ARHGAP15: variants seen among roughly 807,000 people sequenced by gnomAD.
ARHGAP15 encodes rho GTPase-activating protein 15.
Under a neutral mutation model 63.7 loss-of-function variants are expected in ARHGAP15, and 51 were observed. The observed-to-expected ratio is 0.80, with a 90% CI of 0.64 to 1.01. The LOEUF (loss-of-function observed/expected upper bound fraction) is 1.01. Ranked by LOEUF, ARHGAP15 falls within the 50% of genes least tolerant of loss-of-function variation. The probability of loss-of-function intolerance (pLI) is 0.00; values close to 1 mark genes in which losing one functional copy is unlikely to be tolerated. For synonymous variants in ARHGAP15, 191 were observed against 193.8 expected (o/e 0.99, Z 0.12); for missense variants, 560 against 564.6 (o/e 0.99, Z 0.08).
intron 6 of ARHGAP15, among the ~76,000 whole-genome samples, chr2:143,272,980 T>C (rs1010587047): frequency 6.6e-6 from 1 of 152,180 alleles, no homozygotes; most frequent in Non-Finnish European, 1.5e-5. Context: ...AAAGTACTGA[T>C]GTCAATATAG....
At chr2:143,409,482 C>T (rs958888784) in intron 6 of ARHGAP15, among the ~76,000 whole-genome samples, 1 of 151,978 alleles carries the variant, frequency 6.6e-6, no homozygotes. Context: ...ACTTATTTAG[C>T]TTCATGTTAA....
At chr2:143,234,664 A>G (rs909869865) in intron 5 of ARHGAP15, among the ~76,000 whole-genome samples, 2 of 152,154 alleles carry the variant, frequency 1.3e-5, no homozygotes, top group African/African-American at 4.8e-5. Context: ...AGTCTTCTTT[A>G]TATTTCCTTC....
chr2:143,512,305 G>A (rs751402942), intron 9 of ARHGAP15, among the ~76,000 whole-genome samples: 6 of 152,172 alleles, frequency 3.9e-5, no homozygotes, highest in Non-Finnish European at 7.3e-5. Context: ...ATCCACTTGG[G>A]CCACATGTTC....
chr2:143,493,408 G>T (rs982618063), intron 9 of ARHGAP15, among the ~76,000 whole-genome samples: 1 of 152,156 alleles, frequency 6.6e-6, no homozygotes, highest in Non-Finnish European at 1.5e-5. Flanking sequence ...TCCATGGGTG[G>T]CATGCTGTGA....
chr2:143,744,716 T>G (rs17832373), intron 13 of ARHGAP15, among the ~76,000 whole-genome samples: 44,986 of 152,090 alleles, frequency 0.3, 7,681 homozygotes, highest in Middle Eastern at 0.41. Flanking sequence ...CCACCAACAT[T>G]AGTACATCTT....
At chr2:143,378,184 T>C (rs1018582813) in intron 6 of ARHGAP15, among the ~76,000 whole-genome samples, 6 of 152,092 alleles carry the variant, frequency 3.9e-5, no homozygotes, top group African/African-American at 1.4e-4. Context: ...TAGTGGCTAA[T>C]GTGATTAGCA....
intron 12 of ARHGAP15, among the ~76,000 whole-genome samples, chr2:143,679,624 T>G (rs1682998129): frequency 6.6e-6 from 1 of 150,544 alleles, no homozygotes; most frequent in South Asian, 2.1e-4. Context: ...TAGATGTTGT[T>G]TATTTCTTGA....
intron 10 of ARHGAP15, among the ~76,000 whole-genome samples, chr2:143,542,968 C>T (rs1330645961): frequency 2.0e-5 from 3 of 149,634 alleles, no homozygotes; most frequent in African/African-American, 7.4e-5. Context: ...AGGTTAATTC[C>T]ATATCTTGGT....
At chr2:143,461,803 G>A (rs1002098687) in intron 8 of ARHGAP15, among the ~76,000 whole-genome samples, 13 of 152,182 alleles carry the variant, frequency 8.5e-5, no homozygotes, top group South Asian at 4.1e-4. Flanking sequence ...TTGCAGTGCC[G>A]TTTTCTGCAT....
chr2:143,311,831 C>T (rs1410320877), intron 6 of ARHGAP15, among the ~76,000 whole-genome samples: 1 of 152,130 alleles, frequency 6.6e-6, no homozygotes, highest in African/African-American at 2.4e-5. Flanking sequence ...ACCGGTTCAA[C>T]AGTTCATTAG....
chr2:143,565,655 A>T (rs926017156), intron 11 of ARHGAP15, among the ~76,000 whole-genome samples: 2 of 152,224 alleles, frequency 1.3e-5, no homozygotes, highest in South Asian at 4.1e-4. Context: ...GAAGGATCCC[A>T]TATCCCCATT....
chr2:143,679,646 CGTGTGTGCGTGTGTGTGT>C (rs912863351), intron 12 of ARHGAP15, among the ~76,000 whole-genome samples: 9 of 38,292 alleles, frequency 2.4e-4, no homozygotes, highest in African/African-American at 3.5e-4. Flanking sequence ...TGAGGGGGTG[CGTGTGTGCGTGTGTGTGT>C]GTGTGTGTGT....
intron 10 of ARHGAP15, among the ~76,000 whole-genome samples, chr2:143,532,948 A>G (rs1412735982): frequency 6.6e-6 from 1 of 152,206 alleles, no homozygotes; most frequent in East Asian, 1.9e-4. Context: ...AAACAAAAAC[A>G]GGTCACAGTG....
intron 1 of ARHGAP15, among the ~76,000 whole-genome samples, chr2:143,134,049 A>G (rs1156491134): frequency 3.3e-5 from 5 of 152,176 alleles, no homozygotes; most frequent in African/African-American, 1.2e-4. Flanking sequence ...AGAGTGATGG[A>G]TGTTTTCAAG....
At chr2:143,614,599 T>G (rs1574711560) in intron 11 of ARHGAP15, among the ~76,000 whole-genome samples, 1 of 152,136 alleles carries the variant, frequency 6.6e-6, no homozygotes, top group African/African-American at 2.4e-5. Context: ...AGGTTAAAAT[T>G]TGATAGGTGG....
rs1360642941 is a variant in ARHGAP15 at position 143,611,823 on chromosome 2, G to A, written c.1004-12310G>A. 2.0e-5 allele frequency among the ~76,000 whole-genome samples: 3 copies of A among 152,148 alleles called. No individual in the cohort carries two copies. In the East Asian group the frequency reaches 5.8e-4, roughly 29 times the overall value. ...TCAAGTATTACATGTAAGATAACTT[G>A]CATAACTAGCTACAAACAATAGTTT... On this transcript the variant is annotated intron_variant, in intron 11 of 13. Transcript: ENST00000295095.
chr2:143,544,769 C>A (rs533242137), intron 10 of ARHGAP15, among the ~76,000 whole-genome samples: 1 of 152,188 alleles, frequency 6.6e-6, no homozygotes, highest in Non-Finnish European at 1.5e-5. Context: ...TAGAATTGAT[C>A]TGTTCTTCCA....
At position 143,667,582 on chromosome 2, in the gene ARHGAP15, T is replaced by TA. The variant is rs71338146; in HGVS notation, c.1139-35816dup. Among the ~76,000 whole-genome samples the TA allele has an allele frequency of 1.2e-3, 173 of 138,970 alleles. 1 individual carries two copies. Among genetic ancestry groups the TA allele is most frequent in the African/African-American group, 4.0e-3 (140 of 35,362 alleles). 91.2% of individuals were successfully genotyped at this position (138,970 alleles called of 152,430 possible). On this transcript the variant is annotated intron_variant, in intron 12 of 13. Transcript: ENST00000295095. ...ACTTAAAGTATAATTTAAAAAAAAT[T>TA]AAAAAAAAAAAAAAAAAAAAAGAAA... is the stretch of plus-strand genomic sequence containing the variant.
chr2:143,373,496 G>A (rs1299032644), intron 6 of ARHGAP15, among the ~76,000 whole-genome samples: 2 of 151,926 alleles, frequency 1.3e-5, no homozygotes, highest in Non-Finnish European at 2.9e-5. Context: ...TGGGAGTGGT[G>A]GAGGGTGCCT....
Sources: allele counts gnomAD v4.1 joint callset (sites outside exome capture counted in the v4.1 genomes callset), GRCh38; gene constraint gnomAD v4.1.1; transcripts MANE v1.5; gene names NCBI Gene and HGNC (gene_info 2026-07-23, HGNC 2026-07-21).